The following ARSG variants were observed in gnomAD, a reference collection of about 807,000 sequenced individuals.
ARSG encodes the protein ASG.
ARSG carries 37 observed loss-of-function variants against 50.5 expected under a neutral mutation model. That is an observed-to-expected ratio of 0.73 (90% CI 0.56 to 0.96). ARSG has a LOEUF of 0.96. Among genes scored for constraint, ARSG ranks in the 50% least tolerant of loss-of-function variants. The pLI, the probability that ARSG is intolerant of heterozygous loss-of-function variation, is 0.00. For synonymous variants in ARSG, 225 were observed against 254.6 expected (o/e 0.88, Z 1.11); for missense variants, 629 against 675.3 (o/e 0.93, Z 0.76).
chr17:68,312,786 C>CA (rs1190362028), intron 2 of ARSG, among the ~76,000 whole-genome samples: 1 of 152,134 alleles, frequency 6.6e-6, no homozygotes. Flanking sequence ...ACTGCCTACT[C>CA]ACGGCCAGTG....
At chr17:68,418,291 C>T (rs1249664640) in intron 11 of ARSG, among the ~76,000 whole-genome samples, 12 of 152,160 alleles carry the variant, frequency 7.9e-5, no homozygotes, top group African/African-American at 2.2e-4. Context: ...TTTGTTAGGA[C>T]GAGTCTTTCA....
chr17:68,269,729 G>A lies in ARSG; in HGVS notation c.-552+10303G>A, dbSNP rs1555747833. Reference sequence around the variant, plus strand: ...ATTCTTGTTGCCCCAGGTGGAGTGCGATGGTGCAATCTCAGGTCACTGCAA... The same window carrying A: ...ATTCTTGTTGCCCCAGGTGGAGTGCAATGGTGCAATCTCAGGTCACTGCAA... On this transcript the variant is annotated intron_variant, in intron 1 of 11. Coordinates refer to the ARSG transcript ENST00000448504. 9.3e-5 allele frequency among the ~76,000 whole-genome samples: 13 copies of A among 139,682 alleles called. No homozygotes were observed. The Admixed American group carries it at 1.0e-3, about 11-fold the overall frequency. The allele number at this position is 139,682 out of a possible 152,430, so 91.6% of individuals were successfully genotyped here. A position where few individuals can be genotyped will look rare whatever the true frequency, so the allele number is the denominator to read the frequency against.
intron 2 of ARSG, among the ~76,000 whole-genome samples, chr17:68,315,473 G>A (rs578147421): frequency 9.9e-5 from 15 of 152,116 alleles, no homozygotes; most frequent in African/African-American, 3.1e-4. Flanking sequence ...GCCACAGTGA[G>A]CTATGATCGT....
intron 1 of ARSG, among the ~76,000 whole-genome samples, chr17:68,280,179 CAAAA>C (rs58937538): frequency 3.7e-4 from 32 of 87,574 alleles, no homozygotes; most frequent in Admixed American, 1.1e-3. Flanking sequence ...AACTCTGTCT[CAAAA>C]AAAAAAAAAA....
intron 10 of ARSG, among the ~76,000 whole-genome samples, chr17:68,398,363 A>G (rs895796923): frequency 2.0e-5 from 3 of 152,222 alleles, no homozygotes; most frequent in African/African-American, 7.2e-5. Context: ...ATACACACAT[A>G]TTTATATGCA....
chr17:68,295,134 G>A (rs1195368625), intron 1 of ARSG, among the ~76,000 whole-genome samples: 1 of 152,038 alleles, frequency 6.6e-6, no homozygotes, highest in Non-Finnish European at 1.5e-5. Context: ...GGAGGATGGC[G>A]ATCAGGGAAG....
chr17:68,299,256 C>T (rs1451598951), intron 1 of ARSG, among the ~76,000 whole-genome samples: 1 of 151,906 alleles, frequency 6.6e-6, no homozygotes, highest in Non-Finnish European at 1.5e-5. Context: ...AGGCGCCCAC[C>T]ACCACGCCCG....
chr17:68,417,732 A>AGTT (rs1228418754), intron 11 of ARSG, among the ~76,000 whole-genome samples: 1 of 63,188 alleles, frequency 1.6e-5, no homozygotes, highest in Non-Finnish European at 3.4e-5. Flanking sequence ...AGAGTTGCTG[A>AGTT]ATTTTTTTTT....
rs2078852240 is a variant in ARSG at position 68,352,603 on chromosome 17, T to C, written c.566+917T>C. ...CGGCTCACTGCAACCTCTGCCTCCC[T>C]GGTTCAAGAGATTCTCTTGCCTCAG... On this transcript the variant is annotated intron_variant, in intron 5 of 11. Transcript: ENST00000621439. 2.6e-5 allele frequency among the ~76,000 whole-genome samples: 4 copies of C among 151,276 alleles called. 1 individual carries two copies. In the Admixed American group the frequency reaches 2.7e-4, roughly 10 times the overall value.
At chr17:68,260,348 T>C (rs189772188) in intron 1 of ARSG, among the ~76,000 whole-genome samples, 52 of 152,336 alleles carry the variant, frequency 3.4e-4, no homozygotes, top group African/African-American at 1.2e-3. Flanking sequence ...CTAACCATTT[T>C]TCCCCCGGGT....
At chr17:68,331,237 C>CTTTCTTTCTTTT (rs1555774221) in intron 2 of ARSG, among the ~76,000 whole-genome samples, 1 of 72,792 alleles carries the variant, frequency 1.4e-5, no homozygotes, top group Non-Finnish European at 2.8e-5. Context: ...TTCTTTGTTT[C>CTTTCTTTCTTTT]TTTCTTTCTT....
the ARSG span, among the ~76,000 whole-genome samples, chr17:68,442,134 G>A: frequency 5.4e-3 from 824 of 152,192 alleles, 28 homozygotes; most frequent in East Asian, 0.096. Flanking sequence ...TGAGTTTTCT[G>A]AACTACAGAA....
intron 2 of ARSG, among the ~76,000 whole-genome samples, chr17:68,343,113 T>G (rs2078344270): frequency 6.6e-6 from 1 of 152,230 alleles, no homozygotes; most frequent in Admixed American, 6.5e-5. Context: ...TCTCTGGGTT[T>G]CTTTTTCCTG....
At chr17:68,368,254 C>T (rs1358225800) in intron 6 of ARSG, among the ~76,000 whole-genome samples, 5 of 152,210 alleles carry the variant, frequency 3.3e-5, no homozygotes, top group Non-Finnish European at 7.3e-5. Context: ...GCTTCTGATT[C>T]TTCATCTGAA....
chr17:68,291,312 C>A (rs1555755839), upstream of ARSG: 1 of 144,816 alleles, frequency 6.9e-6, no homozygotes, highest in Non-Finnish European at 1.5e-5. Flanking sequence ...CCGCCCCCCA[C>A]CCCGGCCGCC....
chr17:68,274,195 G>C, intron 1 of ARSG: 1 of 1,026,380 alleles, frequency 9.7e-7, no homozygotes, highest in Non-Finnish European at 1.4e-6. Context: ...GCCGAGCGCA[G>C]TGGCTCATGC....
At chr17:68,321,050 TAGGAGGCCACCC>T (rs2077263327) in intron 2 of ARSG, among the ~76,000 whole-genome samples, 1 of 151,844 alleles carries the variant, frequency 6.6e-6, no homozygotes, top group Non-Finnish European at 1.5e-5. Context: ...GGTGGCTACT[TAGGAGGCCACCC>T]AGGAGGCTGA....
intron 2 of ARSG, among the ~76,000 whole-genome samples, chr17:68,326,894 CAT>C (rs1364542024): frequency 6.6e-6 from 1 of 152,120 alleles, no homozygotes; most frequent in Non-Finnish European, 1.5e-5. Context: ...CCCCATGAGT[CAT>C]GTGGAAGGAG....
At chr17:68,326,761 C>T (rs555557148) in intron 2 of ARSG, among the ~76,000 whole-genome samples, 1 of 152,252 alleles carries the variant, frequency 6.6e-6, no homozygotes, top group East Asian at 1.9e-4. Flanking sequence ...TGATGCCAAA[C>T]GGGGTCCAGA....
Sources: gnomAD v4.1 joint callset for allele counts (sites outside exome capture counted in the v4.1 genomes callset) on GRCh38, gnomAD v4.1.1 for gene constraint, MANE v1.5 for transcripts, NCBI Gene and HGNC (gene_info 2026-07-23, HGNC 2026-07-21) for gene names.